The following EHD4 variants were observed in gnomAD, a reference collection of about 807,000 sequenced individuals.
The protein encoded by EHD4 is EH domain-containing protein 4.
EHD4 carries 37 observed loss-of-function variants against 51.0 expected under a neutral mutation model. That is an observed-to-expected ratio of 0.73 (90% confidence interval 0.56 to 0.95). The LOEUF (loss-of-function observed/expected upper bound fraction) is 0.95, where lower values mean the gene tolerates loss of function less well. Among genes scored for constraint, EHD4 ranks in the 40% least tolerant of loss-of-function variants. EHD4 has a pLI of 0.00. For synonymous variants in EHD4, 297 were observed against 317.3 expected, an observed-to-expected ratio of 0.94 and a Z score of 0.68; for missense variants, 632 against 733.1, an observed-to-expected ratio of 0.86 and a Z score of 1.59.
chr15:41,942,970 A>T, intron 3 of EHD4, 97 bp downstream of exon 3: 1 of 1,205,450 alleles, frequency 8.3e-7, no homozygotes. Flanking sequence ...GCTGTCCTGG[A>T]GGACGGATAG....
chr15:41,903,310 T>G (rs1395795849), intron 5 of EHD4, among the ~76,000 whole-genome samples: 1 of 112,282 alleles, frequency 8.9e-6, no homozygotes, highest in Non-Finnish European at 1.8e-5. Context: ...GGTGTTATCA[T>G]AAATATCATG....
At position 41,898,522 on chromosome 15, in the gene EHD4, T is replaced by C. The variant is rs1019918962; in HGVS notation, c.*2123A>G. 2 of 152,368 alleles carry C rather than the reference T, an allele frequency of 1.3e-5. No individual in the cohort carries two copies. The highest frequency in any genetic ancestry group is 4.8e-5 in the African/African-American group (2 of 41,592). The allele number at this position is 152,368 out of a possible 1,614,324, so 9.4% of individuals were successfully genotyped here. ...TCTTCTCTCTCAGTTCACCCTTTGG[T>C]GACCTCCACCGTGGCTGCAGACTTC... On this transcript the variant is annotated 3_prime_UTR_variant, in exon 6 of 6. Coordinates refer to ENST00000220325, the MANE Select transcript of EHD4 (RefSeq NM_139265.4).
chr15:41,951,042 A>G (rs968984473), intron 2 of EHD4, among the ~76,000 whole-genome samples: 5 of 152,204 alleles, frequency 3.3e-5, no homozygotes, highest in Non-Finnish European at 5.9e-5. Context: ...CCTAAGAGTT[A>G]AATAGGGGGC....
At chr15:41,964,058 T>C (rs2067945091) in intron 1 of EHD4, among the ~76,000 whole-genome samples, 1 of 139,932 alleles carries the variant, frequency 7.1e-6, no homozygotes, top group South Asian at 2.3e-4. Context: ...GGCAGGAGAA[T>C]GGCGTGAACC....
intron 2 of EHD4, among the ~76,000 whole-genome samples, chr15:41,951,217 A>T (rs2067850546): frequency 6.6e-6 from 1 of 152,232 alleles, no homozygotes; most frequent in South Asian, 2.1e-4. Context: ...ATCATGTCAC[A>T]GGGGTTCTGT....
rs1384599694 is a variant in EHD4 at position 41,953,821 on chromosome 15, A to G, written c.356T>C (p.Val119Ala). ...CTTTCTAAACGGCTTTTTGGGGTCC[A>G]CGACTAAAGCATTCCCTGGGGTGCT... ...EGSTPGNALV[V>A]DPKKPFRKLS... Residue 119 changes from valine to alanine, a missense_variant, in exon 2 of 6, where the codon GTG becomes GCG. Val to Ala is a moderately conservative substitution (Grantham distance 64, BLOSUM62 0). Coordinates refer to ENST00000220325, the MANE Select transcript of EHD4 (RefSeq NM_139265.4). The G allele has an allele frequency of 6.2e-7, 1 of 1,613,674 alleles. No individual in the cohort carries two copies. Among genetic ancestry groups the G allele is most frequent in the Non-Finnish European group, 8.5e-7 (1 of 1,179,928 alleles).
intron 3 of EHD4, among the ~76,000 whole-genome samples, chr15:41,935,934 AGCCAAGGAGGCT>A (rs1175053946): frequency 1.3e-5 from 2 of 152,176 alleles, no homozygotes; most frequent in Non-Finnish European, 2.9e-5. Flanking sequence ...CAGCTGGACC[AGCCAAGGAGGCT>A]GCCTGGGCCT....
chr15:41,944,738 G>A (rs918499715), intron 2 of EHD4, among the ~76,000 whole-genome samples: 2 of 152,148 alleles, frequency 1.3e-5, no homozygotes, highest in South Asian at 2.1e-4. Flanking sequence ...GCTAATGCAC[G>A]GCTGGTTGCA....
chr15:41,917,691 C>T (rs891643411), intron 4 of EHD4, among the ~76,000 whole-genome samples: 1 of 152,152 alleles, frequency 6.6e-6, no homozygotes, highest in Non-Finnish European at 1.5e-5. Flanking sequence ...TTCCTGCTAC[C>T]AAGCATTAGG....
chr15:41,971,890 C>A (rs560636920), intron 1 of EHD4, among the ~76,000 whole-genome samples: 173 of 152,384 alleles, frequency 1.1e-3, no homozygotes, highest in Non-Finnish European at 1.9e-3. Flanking sequence ...CATTCGGATA[C>A]CCTACGCCTC....
intron 3 of EHD4, among the ~76,000 whole-genome samples, chr15:41,940,640 C>T (rs543139213): frequency 6.6e-6 from 1 of 152,288 alleles, no homozygotes; most frequent in East Asian, 1.9e-4. Context: ...CGCCGACTGG[C>T]TGGAACATAT....
At chr15:41,907,824 C>CTGTGTGTGTGTGTGTGTG (rs10522331) in intron 5 of EHD4, among the ~76,000 whole-genome samples, 7 of 132,018 alleles carry the variant, frequency 5.3e-5, no homozygotes, top group Non-Finnish European at 9.6e-5. Context: ...CGCCCAGGCT[C>CTGTGTGTGTGTGTGTGTG]TGTGTGTGTG....
rs749063815 is a variant in EHD4, at chr15:41,901,050, C to T, written c.1221G>A (p.Thr407=). The T allele has an allele frequency of 5.6e-6, 9 of 1,612,530 alleles. No individual in the cohort carries two copies. The highest frequency in any genetic ancestry group is 1.7e-5 in the Admixed American group (1 of 59,922). ...CGCCGCCCTGCACCAGCTGCGTGGG[C>T]GTGCTCGTCTCCTCCTGGCTGATGA... ...MNLISQEETS[T]PTQLVQGGAF... Residue 407 remains threonine (T), a synonymous_variant, in exon 6 of 6, where the codon ACG becomes ACA. Transcript: ENST00000220325.
chr15:41,903,623 C>T (rs1340066468), intron 5 of EHD4, among the ~76,000 whole-genome samples: 3 of 152,146 alleles, frequency 2.0e-5, no homozygotes, highest in Non-Finnish European at 4.4e-5. Context: ...TTAATTAACC[C>T]TGTCCCCTAT....
chr15:41,902,771 A>G (rs983761169), intron 5 of EHD4, among the ~76,000 whole-genome samples: 3 of 148,318 alleles, frequency 2.0e-5, no homozygotes, highest in Non-Finnish European at 4.4e-5. Context: ...ACATATATGT[A>G]TGTGTGTATA....
rs1327695224 is a variant in EHD4 at position 41,953,859 on chromosome 15, T to C, written c.318A>G (p.Gly106=). ...TCCCTGGGGTGCTGCCCTCAGTCTC[T>C]CCATACATCACGGCGATGAAGGAGT... The part of the protein sequence containing the change: ...TTDSFIAVMY[G]ETEGSTPGNA... The change falls in exon 2 of 6, where the codon GGA becomes GGG. Residue 106 remains glycine (G), a synonymous_variant. Coordinates refer to ENST00000220325, the MANE Select transcript of EHD4 (RefSeq NM_139265.4). The C allele has an allele frequency of 6.2e-7, 1 of 1,613,870 alleles. No individual in the cohort carries two copies. Among genetic ancestry groups the C allele is most frequent in the Non-Finnish European group, 8.5e-7 (1 of 1,179,986 alleles).
chr15:41,923,922 AC>A (rs2067644292), intron 3 of EHD4, among the ~76,000 whole-genome samples: 1 of 152,174 alleles, frequency 6.6e-6, no homozygotes, highest in Non-Finnish European at 1.5e-5. Context: ...TATGGTCTAG[AC>A]TGAGCCTAGA....
intron 2 of EHD4, among the ~76,000 whole-genome samples, chr15:41,952,012 A>G (rs901076440): frequency 1.3e-5 from 2 of 152,200 alleles, no homozygotes; most frequent in African/African-American, 2.4e-5. Context: ...CCCACTGCCA[A>G]GTTCCCTGGT....
At chr15:41,909,930 T>C (rs994695281) in intron 4 of EHD4, 67 bp from the exon 5 acceptor site, 1 of 1,588,244 alleles carries the variant, frequency 6.3e-7, no homozygotes, top group African/African-American at 1.3e-5. Flanking sequence ...ACAAACAAGA[T>C]TGCATCTTAA....
Sources: allele counts gnomAD v4.1 joint callset (sites outside exome capture counted in the v4.1 genomes callset), GRCh38; gene constraint gnomAD v4.1.1; transcripts MANE v1.5; gene names NCBI Gene and HGNC (gene_info 2026-07-23, HGNC 2026-07-21).